The following MYOF variants were observed in gnomAD, a reference collection of about 807,000 sequenced individuals.
The protein encoded by MYOF is myoferlin.
A neutral mutation model predicts 284.2 loss-of-function variants in MYOF; 244 were observed. That is an observed-to-expected ratio of 0.86 (90% CI 0.77 to 0.95). The LOEUF is 0.95. MYOF is among the 40% of genes least tolerant of loss of function. The probability of loss-of-function intolerance (pLI) is 0.00; values close to 1 mark genes in which losing one functional copy is unlikely to be tolerated. For synonymous variants in MYOF, 904 were observed against 919.7 expected (o/e 0.98, Z 0.31); for missense variants, 2,496 against 2,560.6 (o/e 0.97, Z 0.54).
At position 93,359,957 on chromosome 10, in the gene MYOF, A is replaced by G; in HGVS notation, c.2996T>C (p.Ile999Thr). 6 of 1,614,208 alleles carry G rather than the reference A, an allele frequency of 3.7e-6. No individual in the cohort carries two copies. Among genetic ancestry groups the G allele is most frequent in the Non-Finnish European group, 5.1e-6 (6 of 1,180,030 alleles). The change falls in exon 29 of 54, where the codon ATT becomes ACT. Residue 999 changes from isoleucine (I) to threonine (T), a missense_variant. Ile to Thr is a moderately conservative substitution (Grantham distance 89). Transcript: ENST00000359263. ...GGATTTGGGCTTATGATCAGGAGGA[A>G]TGGTGATTCCATATTCCCAGCCTGG... ...DEKGWEYGITIPPDHKPKSWV... is the reference protein window; with the variant it reads ...DEKGWEYGITTPPDHKPKSWV...
chr10:93,423,840 A>T (rs542975356), intron 5 of MYOF, among the ~76,000 whole-genome samples: 1 of 152,106 alleles, frequency 6.6e-6, no homozygotes, highest in African/African-American at 2.4e-5. Context: ...CTAAAAAAAA[A>T]AAAAACAAAC....
intron 1 of MYOF, among the ~76,000 whole-genome samples, chr10:93,463,587 T>C (rs1245791956): frequency 6.6e-6 from 1 of 151,428 alleles, no homozygotes; most frequent in African/African-American, 2.4e-5. Flanking sequence ...TTAGTAGAGA[T>C]GGGGGTTTCA....
At chr10:93,346,796 C>T (rs529653727) in intron 37 of MYOF, among the ~76,000 whole-genome samples, 35 of 152,298 alleles carry the variant, frequency 2.3e-4, no homozygotes, top group African/African-American at 8.2e-4. Flanking sequence ...CCCTGCTGGA[C>T]TTTTGCTTTG....
At chr10:93,389,637 T>G (rs141575743) in intron 17 of MYOF, among the ~76,000 whole-genome samples, 1 of 152,250 alleles carries the variant, frequency 6.6e-6, no homozygotes, top group East Asian at 1.9e-4. Context: ...AAATTTTATA[T>G]GTAATAATAA....
chr10:93,440,149 C>T (rs778728631), intron 3 of MYOF, among the ~76,000 whole-genome samples: 10 of 152,178 alleles, frequency 6.6e-5, no homozygotes, highest in Non-Finnish European at 1.5e-4. Context: ...TGCAGTGGCT[C>T]ATGCCTGTAA....
At chr10:93,447,657 G>C (rs578216065) in intron 3 of MYOF, among the ~76,000 whole-genome samples, 1 of 152,076 alleles carries the variant, frequency 6.6e-6, no homozygotes, top group Admixed American at 6.6e-5. Flanking sequence ...GCTGTCTCTC[G>C]TTCGCCAGCT....
Position 93,310,140 on chromosome 10 carries a change from G to A in MYOF, c.6027C>T (p.Phe2009=), listed in dbSNP as rs772553509. 6.2e-7 allele frequency: 1 copy of A among 1,614,060 alleles called. No individual in the cohort carries two copies. The highest frequency in any genetic ancestry group is 1.3e-5 in the African/African-American group (1 of 74,930). ...ACTTCATGGTCTTGCATGGGTTGGT[G>A]AACCAGAGGAAGGAGGTTTCTGGTC... ...PNRPETSFLW[F]TNPCKTMKFI... is the part of the protein sequence containing the mutation. Residue 2009 remains phenylalanine, a synonymous_variant, in exon 53 of 54, where the codon TTC becomes TTT. Coordinates refer to ENST00000359263, the MANE Select transcript of MYOF (RefSeq NM_013451.4).
Position 93,310,570 on chromosome 10 carries a change from TC to T in MYOF, c.5962del (p.Asp1988ThrfsTer5). ...ADERPAGKGR[D>X]EPNMNPKLDL... Reference sequence around the variant, plus strand: ...CAGCTTGGGGTTCATGTTGGGTTCGTCCCGCCCCTTCCCGGCTGGCCTCTCG... The same window carrying T: ...CAGCTTGGGGTTCATGTTGGGTTCGTCCGCCCCTTCCCGGCTGGCCTCTCG... On this transcript the variant is annotated frameshift_variant, in exon 52 of 54. Transcript: ENST00000359263. LOFTEE classifies it high-confidence loss of function. The T allele has an allele frequency of 6.2e-7, 1 of 1,613,766 alleles. No individual in the cohort carries two copies. Among genetic ancestry groups the T allele is most frequent in the Non-Finnish European group, 8.5e-7 (1 of 1,179,840 alleles).
In MYOF at chr10:93,360,079, G is replaced by A. The variant is rs370061517; in HGVS notation, c.2975-101C>T. On this transcript the variant is annotated intron_variant, in intron 28 of 53. Transcript: ENST00000359263. ...TTGTTCACTCTCCCTGCCCTCAGAT[G>A]TTCTGTACTATCATGACCGAATATG... 15 of 1,403,586 alleles carry A rather than the reference G, an allele frequency of 1.1e-5. No individual in the cohort carries two copies. The African/African-American group carries it at 1.1e-4, about 11-fold the overall frequency. The allele number at this position is 1,403,586 out of a possible 1,614,324, so 86.9% of individuals were successfully genotyped here.
chr10:93,316,926 C>A, intron 49 of MYOF, 113 bp from the exon 50 acceptor site: 1 of 766,254 alleles, frequency 1.3e-6, no homozygotes. Flanking sequence ...CCCTGACACT[C>A]CCTTGGGCCT....
chr10:93,402,747 CCTTTAA>C lies in MYOF; in HGVS notation c.874+107_874+112del, dbSNP rs371737552. On this transcript the variant is annotated intron_variant, in intron 10 of 53. Coordinates refer to ENST00000359263, the MANE Select transcript of MYOF (RefSeq NM_013451.4). ...TTAAGAAAATATTTTTTAAAAAATT[CCTTTAA>C]CTTTAATTCTTTGATCCCCCCCAAA... 2,586 of 930,052 alleles carry C rather than the reference CCTTTAA, an allele frequency of 2.8e-3. 48 individuals carry two copies. Among genetic ancestry groups the C allele is most frequent in the East Asian group, 3.1e-3 (118 of 37,680 alleles). The allele number at this position is 930,052 out of a possible 1,614,324, so 57.6% of individuals were successfully genotyped here. A position where few individuals can be genotyped will look rare whatever the true frequency, so the allele number is the denominator to read the frequency against.
chr10:93,382,905 CT>C (rs143460456), intron 19 of MYOF, among the ~76,000 whole-genome samples: 14 of 151,378 alleles, frequency 9.2e-5, no homozygotes, highest in Admixed American at 9.2e-4. Context: ...ATTTTTAATT[CT>C]TTTTTTTTAG....
chr10:93,325,932 G>A lies in MYOF; in HGVS notation c.5165C>T (p.Ala1722Val). The stretch of plus-strand genomic sequence containing the variant: ...GTGAAGAGCAAGCCGCTCTTCAGGG[G>A]CCCCGAGGTGCTGGTGCAGGATTTT... The part of the protein sequence containing the change: ...ANKILHQHLG[A>V]PEERLALHIL... Residue 1722 changes from alanine to valine, a missense_variant, in exon 46 of 54, where the codon GCC becomes GTC. Ala to Val is a moderately conservative substitution (Grantham distance 64). Transcript: ENST00000359263. 6.2e-7 allele frequency: 1 copy of A among 1,614,058 alleles called. No individual in the cohort carries two copies. Among genetic ancestry groups the A allele is most frequent in the Non-Finnish European group, 8.5e-7 (1 of 1,180,010 alleles).
intron 7 of MYOF, among the ~76,000 whole-genome samples, chr10:93,406,568 A>AC (rs58006804): frequency 3.6e-4 from 54 of 150,542 alleles, no homozygotes; most frequent in African/African-American, 1.2e-3. Flanking sequence ...CCTCCTCCCC[A>AC]CCCATCCAGT....
intron 3 of MYOF, among the ~76,000 whole-genome samples, chr10:93,436,173 A>T (rs1849110263): frequency 6.6e-6 from 1 of 152,134 alleles, no homozygotes; most frequent in Admixed American, 6.6e-5. Context: ...GCTTATGGTT[A>T]ACTGGAAAGA....
At position 93,396,128 on chromosome 10, in the gene MYOF, G is replaced by C. The variant is rs367595702; in HGVS notation, c.1417+14C>G. Reference sequence around the variant, plus strand: ...CTGTATCCAGTCTTGTTCTAGATCTGTTGAGTGACTTACCTTCCACTTCCC... The same window carrying C: ...CTGTATCCAGTCTTGTTCTAGATCTCTTGAGTGACTTACCTTCCACTTCCC... On this transcript the variant is annotated intron_variant, in intron 16 of 53. Coordinates refer to ENST00000359263, the MANE Select transcript of MYOF (RefSeq NM_013451.4). 1 of 1,593,522 alleles carries C rather than the reference G, an allele frequency of 6.3e-7. No homozygotes were observed. The highest frequency in any genetic ancestry group is 1.1e-5 in the South Asian group (1 of 89,428).
chr10:93,356,692 T>C lies in MYOF; in HGVS notation c.3277A>G (p.Lys1093Glu). 6.2e-7 allele frequency: 1 copy of C among 1,613,160 alleles called. No homozygotes were observed. The highest frequency in any genetic ancestry group is 1.7e-5 in the Admixed American group (1 of 59,768). ...SETHGAAAIF[K>E]LEGALGADTT... ...GTACTTACAAGGGCACCTTCAAGTT[T>C]AAAGATGGCAGCTGCACCATGTGTT... Residue 1093 changes from lysine (K) to glutamate (E), a missense_variant, in exon 30 of 54, where the codon AAA becomes GAA. By Grantham distance (56) the Lys-to-Glu change is moderately conservative. This residue lies in a region of MYOF where 2,436 missense variants were observed against 2,480.7 expected (regional missense o/e 0.98). Transcript: ENST00000359263.
rs970079582 is a variant in MYOF, at chr10:93,459,966, A to G, written c.89-3029T>C. On this transcript the variant is annotated intron_variant, in intron 1 of 53. Coordinates refer to ENST00000359263, the MANE Select transcript of MYOF (RefSeq NM_013451.4). The stretch of plus-strand genomic sequence containing the variant: ...CAAAGGAGTGGATCTGGACCCTGAG[A>G]CCATGGCGGTCCTTCAAGAGAGAAG... Among the ~76,000 whole-genome samples, 23 of 152,132 alleles carry G rather than the reference A, an allele frequency of 1.5e-4. 1 individual carries two copies. Among genetic ancestry groups the G allele is most frequent in the Admixed American group, 1.4e-3 (21 of 15,276 alleles).
intron 1 of MYOF, chr10:93,478,125 A>T (rs187396817): frequency 6.7e-4 from 144 of 214,324 alleles, no homozygotes; most frequent in Admixed American, 4.8e-3. Flanking sequence ...ATGCATTTTT[A>T]ATTTTAGAAA....
Sources: allele counts gnomAD v4.1 joint callset (sites outside exome capture counted in the v4.1 genomes callset), GRCh38; gene constraint gnomAD v4.1.1; regional missense constraint gnomAD v4.1.1; transcripts MANE v1.5; gene names NCBI Gene and HGNC (gene_info 2026-07-23, HGNC 2026-07-21).